PPIL4: variants seen among roughly 807,000 people sequenced by gnomAD.
The protein encoded by PPIL4 is peptidylprolyl isomerase like 4.
A neutral mutation model predicts 69.1 loss-of-function variants in PPIL4; 50 were observed. That is an observed-to-expected ratio of 0.72 (90% CI 0.58 to 0.92). PPIL4 has a LOEUF of 0.92. Among genes scored for constraint, PPIL4 ranks in the 40% least tolerant of loss-of-function variants. PPIL4 has a pLI of 0.00. For synonymous variants in PPIL4, 193 were observed against 191.6 expected (o/e 1.01, Z -0.06); for missense variants, 480 against 587.9 (o/e 0.82, Z 1.90).
At chr6:149,517,549 G>A (rs1345039350) in intron 10 of PPIL4, 99 bp from the exon 11 acceptor site, 1 of 567,940 alleles carries the variant, frequency 1.8e-6, no homozygotes, top group African/African-American at 1.9e-5. Flanking sequence ...TTTATAAATG[G>A]CATATATCGA....
chr6:149,526,671 TAG>T lies in PPIL4; in HGVS notation c.782_783del (p.Ser261Ter). The T allele has an allele frequency of 1.9e-6, 3 of 1,610,786 alleles. No homozygotes were observed. Among genetic ancestry groups the T allele is most frequent in the Non-Finnish European group, 2.5e-6 (3 of 1,177,970 alleles). Reference sequence around the variant, plus strand: ...GATTACCTTCTTATTGGCCCAAATCTAGAGAATATTATTTCCAGATCCTCATC... The same window carrying T: ...GATTACCTTCTTATTGGCCCAAATCTAGAATATTATTTCCAGATCCTCATC... Reference protein sequence around the residue: ...TTDEDLEIIFSRFGPIRSCEV... With the variant: ...TTDEDLEIIFXRFGPIRSCEV... On this transcript the variant is annotated frameshift_variant, in exon 8 of 13. Transcript: ENST00000253329. LOFTEE classifies it high-confidence loss of function.
At chr6:149,538,546 T>C (rs908586028) in intron 4 of PPIL4, among the ~76,000 whole-genome samples, 4 of 152,182 alleles carry the variant, frequency 2.6e-5, no homozygotes, top group African/African-American at 7.2e-5. Context: ...GGCAAGTACA[T>C]TGAAAACCTT....
At chr6:149,539,990 C>T (rs903929121) in intron 4 of PPIL4, among the ~76,000 whole-genome samples, 4 of 151,924 alleles carry the variant, frequency 2.6e-5, no homozygotes, top group African/African-American at 9.7e-5. Flanking sequence ...AGTAGCCGAG[C>T]GTGGTGGTGG....
chr6:149,535,983 A>C (rs923918634), intron 4 of PPIL4, among the ~76,000 whole-genome samples: 2 of 152,370 alleles, frequency 1.3e-5, no homozygotes, highest in Admixed American at 6.5e-5. Context: ...GTATTGAGTA[A>C]GTCTATTGGT....
chr6:149,515,139 ATTTT>A (rs60680973), intron 11 of PPIL4, among the ~76,000 whole-genome samples: 1 of 138,316 alleles, frequency 7.2e-6, no homozygotes, highest in African/African-American at 2.7e-5. Context: ...CACCCAGCCA[ATTTT>A]TTTTTTTTTT....
In PPIL4 at chr6:149,527,343, C is replaced by G. The variant is rs146799690; in HGVS notation, c.679-567G>C. Among the ~76,000 whole-genome samples, 865 of 152,294 alleles carry G rather than the reference C, an allele frequency of 5.7e-3. 7 individuals are homozygous for G. The highest frequency in any genetic ancestry group is 0.02 in the African/African-American group (827 of 41,560). On this transcript the variant is annotated intron_variant, in intron 7 of 12. Transcript: ENST00000253329. ...CCCCAGCCTGGGCGACAGAGCAAGA[C>G]TCCATCTCATAAATAAACAAATAAA...
chr6:149,511,406 TGTGTGTGTGTGTGTACTTTTTGTCAAG>T (rs1435184503), intron 12 of PPIL4, among the ~76,000 whole-genome samples: 32 of 151,718 alleles, frequency 2.1e-4, no homozygotes, highest in African/African-American at 7.5e-4. Context: ...ATTGTGTGTG[TGTGTGTGTGTGTGTACTTTTTGTCAAG>T]GTGTGTGTGT....
At chr6:149,530,572 T>G (rs1386186361) in intron 7 of PPIL4, among the ~76,000 whole-genome samples, 1 of 151,532 alleles carries the variant, frequency 6.6e-6, no homozygotes, top group African/African-American at 2.4e-5. Flanking sequence ...GGCAGGAGAA[T>G]CGCTTAAACC....
intron 7 of PPIL4, among the ~76,000 whole-genome samples, chr6:149,529,911 A>G (rs999311752): frequency 2.6e-5 from 4 of 152,220 alleles, no homozygotes; most frequent in Admixed American, 6.5e-5. Context: ...TACATACGCT[A>G]TAATTCCAAC....
intron 11 of PPIL4, 58 bp downstream of exon 11, chr6:149,517,296 A>C: frequency 1.1e-6 from 1 of 924,964 alleles, no homozygotes; most frequent in Non-Finnish European, 1.8e-6. Flanking sequence ...ATCACACAGT[A>C]CTCTACACAT....
intron 11 of PPIL4, among the ~76,000 whole-genome samples, chr6:149,515,815 C>T (rs528871787): frequency 6.6e-6 from 1 of 152,322 alleles, no homozygotes; most frequent in South Asian, 2.1e-4. Context: ...AGCTCACTGC[C>T]ATCTTTTCTC....
At chr6:149,520,740 G>A (rs1313879963) in intron 10 of PPIL4, among the ~76,000 whole-genome samples, 4 of 152,114 alleles carry the variant, frequency 2.6e-5, no homozygotes, top group East Asian at 1.9e-4. Flanking sequence ...AAGGCCGGGC[G>A]CAGTGGCTCA....
At chr6:149,528,255 A>C (rs1056935842) in intron 7 of PPIL4, among the ~76,000 whole-genome samples, 36 of 152,312 alleles carry the variant, frequency 2.4e-4, no homozygotes, top group Non-Finnish European at 2.1e-4. Context: ...CCTCTAAAAA[A>C]CAAAAAAGAG....
At chr6:149,526,098 C>CA (rs1324797292) in intron 8 of PPIL4, among the ~76,000 whole-genome samples, 2 of 151,614 alleles carry the variant, frequency 1.3e-5, no homozygotes, top group Non-Finnish European at 2.9e-5. Context: ...GACTCCATGT[C>CA]AAAAAAATAA....
intron 1 of PPIL4, among the ~76,000 whole-genome samples, chr6:149,543,446 C>T (rs993049527): frequency 6.6e-6 from 1 of 152,108 alleles, no homozygotes; most frequent in African/African-American, 2.4e-5. Context: ...GACATTTTAA[C>T]CAATATATGG....
intron 4 of PPIL4, among the ~76,000 whole-genome samples, chr6:149,539,088 C>A (rs946634355): frequency 2.0e-5 from 3 of 152,158 alleles, no homozygotes; most frequent in Admixed American, 6.5e-5. Context: ...CTCAGGTGAT[C>A]CGCCCCCCTC....
At chr6:149,518,557 G>C (rs1776980986) in intron 10 of PPIL4, among the ~76,000 whole-genome samples, 1 of 152,270 alleles carries the variant, frequency 6.6e-6, no homozygotes, top group African/African-American at 2.4e-5. Context: ...AAGCAAAAAA[G>C]ACAAGATCAA....
Position 149,512,209 on chromosome 6 carries a change from G to A in PPIL4, c.1173C>T (p.His391=), listed in dbSNP as rs1407844515. 1 of 1,613,426 alleles carries A rather than the reference G, an allele frequency of 6.2e-7. No individual in the cohort carries two copies. Among genetic ancestry groups the A allele is most frequent in the Non-Finnish European group, 8.5e-7 (1 of 1,179,532 alleles). The part of the protein sequence containing the change: ...TSKKHKKKTH[H]CSEEKEDEDY... The stretch of plus-strand genomic sequence containing the variant: ...CCTCATCTTCTTTCTCTTCAGAACA[G>A]TGATGGGTTTTCTTCTTGTGTTTTT... The change falls in exon 12 of 13, where the codon CAC becomes CAT. Residue 391 remains histidine (H), a synonymous_variant. Transcript: ENST00000253329.
chr6:149,519,516 A>C (rs1194602864), intron 10 of PPIL4, among the ~76,000 whole-genome samples: 1 of 152,220 alleles, frequency 6.6e-6, no homozygotes, highest in Non-Finnish European at 1.5e-5. Flanking sequence ...AGGTTTCACA[A>C]ATCACTCAAA....
Sources: gnomAD v4.1 joint callset for allele counts (sites outside exome capture counted in the v4.1 genomes callset) on GRCh38, gnomAD v4.1.1 for gene constraint, MANE v1.5 for transcripts, NCBI Gene and HGNC (gene_info 2026-07-23, HGNC 2026-07-21) for gene names.